ULK4: variants seen among roughly 807,000 people sequenced by gnomAD.
The protein encoded by ULK4 is unc-51 like kinase 4, also known as inactive serine/threonine-protein kinase ULK4.
Under a neutral mutation model 160.6 loss-of-function variants are expected in ULK4, and 133 were observed. The ratio of observed to expected loss-of-function variants is 0.83; its 90% confidence interval spans 0.72 to 0.96. ULK4 has a LOEUF of 0.96. Among genes scored for constraint, ULK4 ranks in the 40% least tolerant of loss-of-function variants. ULK4 has a pLI of 0.00. For missense variants in ULK4, 1,580 were observed against 1,499.5 expected (o/e 1.05, Z -0.89); for synonymous variants, 534 against 539.8 (o/e 0.99, Z 0.15).
chr3:41,758,266 G>GTAC (rs1184904171), intron 21 of ULK4, among the ~76,000 whole-genome samples: 2 of 151,992 alleles, frequency 1.3e-5, no homozygotes, highest in African/African-American at 4.8e-5. Flanking sequence ...CCCGTCTAAG[G>GTAC]TACCTTGTTA....
At chr3:41,713,227 G>T (rs1334695215) in intron 25 of ULK4, among the ~76,000 whole-genome samples, 1 of 152,218 alleles carries the variant, frequency 6.6e-6, no homozygotes, top group African/African-American at 2.4e-5. Context: ...AATGTTGGAT[G>T]AGTAGACTAG....
At chr3:41,736,532 T>C (rs1398744046) in intron 22 of ULK4, among the ~76,000 whole-genome samples, 2 of 151,950 alleles carry the variant, frequency 1.3e-5, no homozygotes, top group Non-Finnish European at 2.9e-5. Context: ...CACTTTGTGA[T>C]GGGGTTGTTT....
chr3:41,835,675 G>C (rs550351798), intron 18 of ULK4, among the ~76,000 whole-genome samples, 189 bp downstream of exon 18: 1 of 152,296 alleles, frequency 6.6e-6, no homozygotes, highest in African/African-American at 2.4e-5. Context: ...GAAGGAGGGA[G>C]ACAGGGTAAG....
intron 32 of ULK4, among the ~76,000 whole-genome samples, chr3:41,506,767 A>AAAAAAAAAAAAAAATATATAAATAT: frequency 3.5e-5 from 2 of 56,794 alleles, no homozygotes; most frequent in East Asian, 1.6e-3. Context: ...TGTGATTTAA[A>AAAAAAAAAAAAAAATATATAAATAT]ATATATATAT....
chr3:41,518,730 G>A (rs941185826), intron 32 of ULK4, among the ~76,000 whole-genome samples: 3 of 152,154 alleles, frequency 2.0e-5, no homozygotes, highest in African/African-American at 7.2e-5. Context: ...ATCAGTTAAG[G>A]GAAAAAAGAG....
chr3:41,573,591 T>C (rs558961105), intron 31 of ULK4, among the ~76,000 whole-genome samples: 9 of 152,250 alleles, frequency 5.9e-5, no homozygotes, highest in East Asian at 3.9e-4. Flanking sequence ...CAACTAATCA[T>C]AGGGATGAGA....
chr3:41,408,225 G>A (rs1000911191), intron 34 of ULK4, among the ~76,000 whole-genome samples: 2 of 151,602 alleles, frequency 1.3e-5, no homozygotes, highest in African/African-American at 2.4e-5. Flanking sequence ...TCAGGAGATC[G>A]AGACCATCCT....
intron 34 of ULK4, among the ~76,000 whole-genome samples, chr3:41,445,320 T>C (rs2083272292): frequency 6.6e-6 from 1 of 152,176 alleles, no homozygotes; most frequent in South Asian, 2.1e-4. Context: ...ATAGATTCAA[T>C]GCCATCCCCA....
chr3:41,343,766 T>C (rs2080739775), intron 35 of ULK4, among the ~76,000 whole-genome samples: 1 of 151,926 alleles, frequency 6.6e-6, no homozygotes, highest in South Asian at 2.1e-4. Context: ...ACAAAAAGAA[T>C]AAAATACCCA....
intron 17 of ULK4, among the ~76,000 whole-genome samples, chr3:41,844,959 C>T (rs1175807784): frequency 6.9e-6 from 1 of 145,156 alleles, no homozygotes; most frequent in Non-Finnish European, 1.5e-5. Flanking sequence ...TGGAAATGAC[C>T]CAGATATCTT....
At chr3:41,961,119 T>A (rs1185391993) in intron 1 of ULK4, among the ~76,000 whole-genome samples, 1 of 147,880 alleles carries the variant, frequency 6.8e-6, no homozygotes, top group Non-Finnish European at 1.5e-5. Context: ...CTAAGAAGCA[T>A]CTAAGAAGCC....
intron 32 of ULK4, among the ~76,000 whole-genome samples, chr3:41,474,139 A>G (rs1029521929): frequency 6.6e-6 from 1 of 152,198 alleles, no homozygotes; most frequent in Non-Finnish European, 1.5e-5. Context: ...CTTAAAAAGC[A>G]TGGTACTGGC....
Position 41,495,121 on chromosome 3 carries a change from A to C in ULK4, c.3227-31868T>G, listed in dbSNP as rs551362165. Among the ~76,000 whole-genome samples the C allele has an allele frequency of 2.0e-5, 3 of 152,222 alleles. No individual in the cohort carries two copies. In the East Asian group the frequency reaches 5.8e-4, roughly 29 times the overall value. On this transcript the variant is annotated intron_variant, in intron 32 of 36. Transcript: ENST00000301831. The stretch of plus-strand genomic sequence containing the variant: ...GAACCAAAAAAGAGCCTGCATCACC[A>C]AGTCAATGCTAAGCCAAAGGAACAA...
chr3:41,956,138 A>G (rs1238009402), intron 1 of ULK4, among the ~76,000 whole-genome samples: 1 of 152,162 alleles, frequency 6.6e-6, no homozygotes, highest in Non-Finnish European at 1.5e-5. Context: ...AATCAGACTG[A>G]TTGGGGCGTA....
chr3:41,505,308 G>A (rs2085339156), intron 32 of ULK4, among the ~76,000 whole-genome samples: 1 of 151,986 alleles, frequency 6.6e-6, no homozygotes. Context: ...AATCATTACT[G>A]CCCTAACTAC....
At chr3:41,532,718 T>C (rs1325531218) in intron 32 of ULK4, among the ~76,000 whole-genome samples, 5 of 152,170 alleles carry the variant, frequency 3.3e-5, no homozygotes, top group Non-Finnish European at 7.3e-5. Flanking sequence ...ATTTAAATAG[T>C]TGTACCAGAG....
intron 27 of ULK4, among the ~76,000 whole-genome samples, chr3:41,695,885 C>G (rs1041330088): frequency 6.6e-6 from 1 of 152,196 alleles, no homozygotes; most frequent in Admixed American, 6.5e-5. Flanking sequence ...CTAGGAAAAA[C>G]CAGGCCATAC....
At chr3:41,835,822 AG>A (rs772426132) in intron 18 of ULK4, 41 bp downstream of exon 18, 6 of 1,442,162 alleles carry the variant, frequency 4.2e-6, no homozygotes, top group Middle Eastern at 1.8e-4. Flanking sequence ...AGAGTATGTC[AG>A]AACATGTCAA....
chr3:41,402,985 T>C (rs1254480445), intron 34 of ULK4, among the ~76,000 whole-genome samples: 1 of 152,076 alleles, frequency 6.6e-6, no homozygotes, highest in Non-Finnish European at 1.5e-5. Context: ...ACCCCGTCTC[T>C]ACTGAAAATA....
Sources: gnomAD v4.1 joint callset for allele counts (sites outside exome capture counted in the v4.1 genomes callset) on GRCh38, gnomAD v4.1.1 for gene constraint, MANE v1.5 for transcripts, NCBI Gene and HGNC (gene_info 2026-07-23, HGNC 2026-07-21) for gene names.